ABR: variants seen among roughly 807,000 people sequenced by gnomAD.
ABR encodes active breakpoint cluster region-related protein.
In ABR, 35 loss-of-function variants were observed where a neutral mutation model predicts 107.2. The ratio of observed to expected loss-of-function variants is 0.33; its 90% CI spans 0.25 to 0.43. The LOEUF (loss-of-function observed/expected upper bound fraction) is 0.43, where lower values mean the gene tolerates loss of function less well. ABR is among the 20% of genes least tolerant of loss of function. The probability of loss-of-function intolerance (pLI) is 1.00; values close to 1 mark genes in which losing one functional copy is unlikely to be tolerated. For missense variants in ABR, 815 were observed against 1,115.2 expected (o/e 0.73, Z 3.83); for synonymous variants, 498 against 462.0 (o/e 1.08, Z -1.00).
At chr17:1,053,985 G>A (rs891041445) in intron 14 of ABR, among the ~76,000 whole-genome samples, 3 of 152,208 alleles carry the variant, frequency 2.0e-5, no homozygotes, top group Admixed American at 1.3e-4. Context: ...CTGAGGGACC[G>A]TGTGGTGTTC....
intron 1 of ABR, among the ~76,000 whole-genome samples, chr17:1,155,131 G>A (rs1187683899): frequency 6.6e-6 from 1 of 152,098 alleles, no homozygotes; most frequent in East Asian, 1.9e-4. Context: ...CCAGCAATGT[G>A]TACTATGGGA....
intron 1 of ABR, among the ~76,000 whole-genome samples, chr17:1,195,803 C>CAAAAA (rs35449308): frequency 7.0e-6 from 1 of 142,736 alleles, no homozygotes. Context: ...GACTCTGTCT[C>CAAAAA]AAAAAAAAAA....
intron 6 of ABR, 178 bp downstream of exon 6, chr17:1,079,152 C>T: frequency 6.9e-7 from 1 of 1,447,566 alleles, no homozygotes; most frequent in Non-Finnish European, 9.1e-7. Context: ...AGGCTAGAGT[C>T]CTCGCGTGCG....
chr17:1,109,120 G>A (rs760167181), intron 2 of ABR: 14 of 1,565,686 alleles, frequency 8.9e-6, no homozygotes, highest in Non-Finnish European at 1.1e-5. Context: ...ACGCAGCGGC[G>A]GCGGGAGGAG....
rs374266353 is a variant in ABR at position 1,046,865 on chromosome 17, C to T, written c.1791+3185G>A. Among the ~76,000 whole-genome samples the T allele has an allele frequency of 4.7e-4, 72 of 152,298 alleles. 1 individual carries two copies. The highest frequency in any genetic ancestry group is 1.6e-3 in the African/African-American group (67 of 41,564). ...GACTGTCATTCTCCCTGGAGGATCA[C>T]GACAAGGATCACACGAGGAGATGGC... On this transcript the variant is annotated intron_variant, in intron 16 of 22. Transcript: ENST00000302538.
Position 1,054,719 on chromosome 17 carries a change from TGAGGGGATGGGGG to T in ABR, c.1561+1303_1561+1315del, listed in dbSNP as rs1185802754. On this transcript the variant is annotated intron_variant, in intron 14 of 22. Coordinates refer to ENST00000302538, the MANE Select transcript of ABR (RefSeq NM_021962.5). ...TCAGGGGATGGGGGCACAAGGAACC[TGAGGGGATGGGGG>T]CACAAGGAACCTGAGGGGATGTGGG... Among the ~76,000 whole-genome samples, 25 of 128,778 alleles carry T rather than the reference TGAGGGGATGGGGG, an allele frequency of 1.9e-4. 6 individuals carry two copies. Among genetic ancestry groups the T allele is most frequent in the African/African-American group, 6.1e-4 (21 of 34,216 alleles). The allele number at this position is 128,778 out of a possible 152,430, so 84.5% of individuals were successfully genotyped here.
intron 1 of ABR, among the ~76,000 whole-genome samples, chr17:1,139,391 A>G (rs541588026): frequency 2.6e-5 from 4 of 152,204 alleles, no homozygotes; most frequent in South Asian, 2.1e-4. Context: ...AGCTGGGACT[A>G]CAGGTGCCTG....
chr17:1,049,740 CCTT>C (rs1449931558), intron 16 of ABR, among the ~76,000 whole-genome samples: 20 of 152,360 alleles, frequency 1.3e-4, no homozygotes, highest in African/African-American at 4.3e-4. Context: ...GCCTCTGAGT[CCTT>C]CTCAACATGG....
In ABR at chr17:1,034,583, G is replaced by C. The variant is rs112875287; in HGVS notation, c.1791+15467C>G. On this transcript the variant is annotated intron_variant, in intron 16 of 22. Coordinates refer to ENST00000302538, the MANE Select transcript of ABR (RefSeq NM_021962.5). ...CTGGGGAAGGCTTCCTGGAGGAGAGGGGTCAGCGTGGGGCCCTCGGGGCTG... is the reference window on the plus strand; with the variant it reads ...CTGGGGAAGGCTTCCTGGAGGAGAGCGGTCAGCGTGGGGCCCTCGGGGCTG... Among the ~76,000 whole-genome samples the C allele has an allele frequency of 2.3e-3, 347 of 152,280 alleles. 3 individuals are homozygous for C. Among genetic ancestry groups the C allele is most frequent in the African/African-American group, 7.9e-3 (329 of 41,548 alleles).
intron 16 of ABR, among the ~76,000 whole-genome samples, chr17:1,048,646 CGGT>C: frequency 8.1e-6 from 1 of 123,454 alleles, no homozygotes; most frequent in African/African-American, 3.2e-5. Context: ...TCCGGGGCCA[CGGT>C]CAAGAAGCTC....
chr17:1,208,384 C>T (rs2150734859), intron 1 of ABR, among the ~76,000 whole-genome samples: 1 of 152,314 alleles, frequency 6.6e-6, no homozygotes, highest in African/African-American at 2.4e-5. Flanking sequence ...TCTCCAGGAA[C>T]AGCAGCAGCA....
chr17:1,152,347 T>C (rs2040834086), intron 1 of ABR, among the ~76,000 whole-genome samples: 1 of 149,738 alleles, frequency 6.7e-6, no homozygotes, highest in African/African-American at 2.5e-5. Flanking sequence ...CCCAGCACTT[T>C]GGGAGGCTGA....
In ABR at chr17:1,012,415, G is replaced by A. The variant is rs140703789; in HGVS notation, c.1961+273C>T. ...GTGCCGAGCCCAAACGTAGGCCCCC[G>A]GCTGACAGAGCTTCCCGCTTGTTAC... On this transcript the variant is annotated intron_variant, in intron 18 of 22. Transcript: ENST00000302538. The A allele has an allele frequency of 1.6e-3, 1,061 of 677,206 alleles. 11 individuals are homozygous for A. The highest frequency in any genetic ancestry group is 0.01 in the South Asian group (690 of 66,524). The allele number at this position is 677,206 out of a possible 1,614,324, so 41.9% of individuals were successfully genotyped here.
At chr17:1,086,084 T>G (rs1304480547) in intron 4 of ABR, among the ~76,000 whole-genome samples, 2 of 152,122 alleles carry the variant, frequency 1.3e-5, no homozygotes, top group African/African-American at 4.8e-5. Flanking sequence ...AGGTGGAGGT[T>G]GCAGTGAGCC....
intron 1 of ABR, among the ~76,000 whole-genome samples, chr17:1,162,749 G>A (rs1305750283): frequency 6.6e-6 from 1 of 150,446 alleles, no homozygotes; most frequent in Admixed American, 6.6e-5. Flanking sequence ...GCTAGGCCAA[G>A]CACCCCGGCT....
chr17:1,033,204 C>T (rs774406593), intron 16 of ABR, among the ~76,000 whole-genome samples: 18 of 152,198 alleles, frequency 1.2e-4, no homozygotes, highest in Non-Finnish European at 2.2e-4. Flanking sequence ...CCTCGGCATC[C>T]GGCGTCACCA....
intron 1 of ABR, among the ~76,000 whole-genome samples, chr17:1,204,924 G>C (rs1296210636): frequency 2.4e-5 from 2 of 82,576 alleles, no homozygotes; most frequent in African/African-American, 4.5e-5. Context: ...TTTTTTTTGA[G>C]ACTGAGTCTC....
chr17:1,227,759 A>G (rs2043248869), intron 1 of ABR, among the ~76,000 whole-genome samples: 1 of 152,072 alleles, frequency 6.6e-6, no homozygotes, highest in Admixed American at 6.6e-5. Context: ...GTGACAGTTC[A>G]CAGACACAGC....
intron 10 of ABR, among the ~76,000 whole-genome samples, chr17:1,060,509 T>C (rs1376165592): frequency 6.6e-6 from 1 of 152,134 alleles, no homozygotes; most frequent in African/African-American, 2.4e-5. Context: ...TCTAGTCTCA[T>C]TGGACACGCG....
Sources: allele counts gnomAD v4.1 joint callset (sites outside exome capture counted in the v4.1 genomes callset), GRCh38; gene constraint gnomAD v4.1.1; transcripts MANE v1.5; gene names NCBI Gene and HGNC (gene_info 2026-07-23, HGNC 2026-07-21).